The following HEATR4 variants were observed in gnomAD, a reference collection of about 807,000 sequenced individuals.
The protein encoded by HEATR4 is HEAT repeat containing 4.
In HEATR4, 95 loss-of-function variants were observed where a neutral mutation model predicts 108.8. The ratio of observed to expected loss-of-function variants is 0.87; its 90% confidence interval spans 0.74 to 1.04. HEATR4 has a LOEUF of 1.04. Ranked by LOEUF, HEATR4 falls within the 50% of genes least tolerant of loss-of-function variation. HEATR4 has a pLI of 0.00. For missense variants in HEATR4, 1,152 were observed against 1,253.8 expected, an observed-to-expected ratio of 0.92 and a Z score of 1.23; for synonymous variants, 443 against 459.4, an observed-to-expected ratio of 0.96 and a Z score of 0.46.
At chr14:73,481,777 G>A (rs967079515) in intron 17 of HEATR4, among the ~76,000 whole-genome samples, 29 of 151,780 alleles carry the variant, frequency 1.9e-4, no homozygotes, top group Non-Finnish European at 3.1e-4. Context: ...CCTGGGAGGC[G>A]GAGCTTGCAG....
chr14:73,583,856 C>T, the HEATR4 span, among the ~76,000 whole-genome samples: 29 of 151,962 alleles, frequency 1.9e-4, no homozygotes, highest in African/African-American at 6.0e-4. Flanking sequence ...AAAAATTAGC[C>T]GGGTGTGGTG....
At chr14:73,566,393 C>T in the HEATR4 span, among the ~76,000 whole-genome samples, 1 of 152,080 alleles carries the variant, frequency 6.6e-6, no homozygotes, top group South Asian at 2.1e-4. Flanking sequence ...GGGCGGCGCT[C>T]GTCAGGGAAG....
chr14:73,612,804 T>C, the HEATR4 span: 3 of 1,402,852 alleles, frequency 2.1e-6, no homozygotes, highest in Admixed American at 3.0e-5. Flanking sequence ...CTCCAGCCCA[T>C]GGGGCTGCTG....
the HEATR4 span, among the ~76,000 whole-genome samples, chr14:73,576,720 C>T: frequency 4.5e-5 from 6 of 133,764 alleles, no homozygotes; most frequent in South Asian, 2.5e-4. Context: ...CACTTGAGCC[C>T]TGGAGGCAGA....
Position 73,506,804 on chromosome 14 carries a change from G to GTTTTTTTTTT in HEATR4, c.1882-243_1882-234dup, listed in dbSNP as rs34660727. On this transcript the variant is annotated intron_variant, in intron 9 of 17. Coordinates refer to ENST00000553558, the MANE Select transcript of HEATR4 (RefSeq NM_001220484.1). ...GGACCTTCCTTTCCTGACTTTAACT[G>GTTTTTTTTTT]TTTTTTTTTTTTTTTTTTTTTCTGA... Among the ~76,000 whole-genome samples the GTTTTTTTTTT allele has an allele frequency of 5.4e-3, 435 of 80,464 alleles. 78 individuals are homozygous for GTTTTTTTTTT. Among genetic ancestry groups the GTTTTTTTTTT allele is most frequent in the East Asian group, 0.03 (52 of 1,738 alleles). The allele number at this position is 80,464 out of a possible 152,430, so 52.8% of individuals were successfully genotyped here.
chr14:73,528,403 A>AAAAAAAC (rs1555393609), intron 2 of HEATR4, among the ~76,000 whole-genome samples: 1 of 151,622 alleles, frequency 6.6e-6, no homozygotes, highest in Non-Finnish European at 1.5e-5. Flanking sequence ...AAAAAAAAAA[A>AAAAAAAC]AAAAAAAAAA....
intron 17 of HEATR4, among the ~76,000 whole-genome samples, chr14:73,487,007 C>T (rs990456361): frequency 6.6e-6 from 1 of 152,054 alleles, no homozygotes; most frequent in Non-Finnish European, 1.5e-5. Flanking sequence ...ATGGCTCACG[C>T]CTGTAATCCC....
Position 73,499,215 on chromosome 14 carries a change from G to T in HEATR4, c.2287-75C>A, listed in dbSNP as rs866904842. 5.5e-5 allele frequency: 70 copies of T among 1,283,426 alleles called. No homozygotes were observed. In the African/African-American group the frequency reaches 9.6e-4, roughly 18 times the overall value. The allele number at this position is 1,283,426 out of a possible 1,614,324, so 79.5% of individuals were successfully genotyped here. ...ACCAGAAACAGCTGGGTGCGGTGGT[G>T]CACCCCTGTAATCCCAGCATTTTGG... On this transcript the variant is annotated intron_variant, in intron 12 of 17. Transcript: ENST00000553558.
intron 1 of HEATR4, among the ~76,000 whole-genome samples, chr14:73,556,439 A>G (rs1300039117): frequency 8.9e-6 from 1 of 112,736 alleles, no homozygotes; most frequent in Non-Finnish European, 1.9e-5. Flanking sequence ...AAAAAAAAAC[A>G]AAAAAAACTT....
chr14:73,595,175 A>ACAGC, the HEATR4 span: 1 of 1,614,268 alleles, frequency 6.2e-7, no homozygotes, highest in Non-Finnish European at 8.5e-7. Context: ...CAGTGGGAAC[A>ACAGC]CAGCCATCAA....
At chr14:73,514,296 GC>G in intron 5 of HEATR4, 62 bp from the exon 6 acceptor site, 1 of 1,462,042 alleles carries the variant, frequency 6.8e-7, no homozygotes. Context: ...CCACACAGTG[GC>G]CCCAGCTTGC....
At chr14:73,612,043 T>TC in the HEATR4 span, among the ~76,000 whole-genome samples, 2 of 150,450 alleles carry the variant, frequency 1.3e-5, no homozygotes, top group East Asian at 3.9e-4. Context: ...AGTCATTAAC[T>TC]CTTTTTTTTT....
chr14:73,583,217 C>G, the HEATR4 span, among the ~76,000 whole-genome samples: 1 of 151,936 alleles, frequency 6.6e-6, no homozygotes, highest in South Asian at 2.1e-4. Context: ...TGGCATGTGC[C>G]TGTAGTCCCA....
intron 1 of HEATR4, among the ~76,000 whole-genome samples, chr14:73,551,134 A>G (rs1275665597): frequency 1.8e-5 from 2 of 111,462 alleles, no homozygotes; most frequent in Non-Finnish European, 3.9e-5. Flanking sequence ...ATTGCACTCC[A>G]GCCTGAGTGA....
intron 17 of HEATR4, among the ~76,000 whole-genome samples, 166 bp from the exon 18 acceptor site, chr14:73,479,008 G>A (rs907652337): frequency 2.0e-5 from 3 of 151,824 alleles, no homozygotes; most frequent in East Asian, 1.9e-4. Context: ...GCGCAATCTC[G>A]GCTTACTGCA....
In HEATR4 at chr14:73,492,604, C is replaced by G. The variant is rs34068039; in HGVS notation, c.2844+462G>C. On this transcript the variant is annotated intron_variant, in intron 17 of 17. Coordinates refer to ENST00000553558, the MANE Select transcript of HEATR4 (RefSeq NM_001220484.1). This position sits in a 1 kb window ranked among gnomAD's most constrained non-coding sequence, Gnocchi z 4.9. The stretch of plus-strand genomic sequence containing the variant: ...TAAGTGTTTACGGGCTTCCAATTCG[C>G]TGGGAGGCTGGAGAACCTGTAAACG... The G allele has an allele frequency of 2.8e-3, 4,512 of 1,613,872 alleles. 7 individuals are homozygous for G. Among genetic ancestry groups the G allele is most frequent in the Non-Finnish European group, 3.3e-3 (3,904 of 1,179,872 alleles).
the HEATR4 span, chr14:73,619,917 C>CACT: frequency 7.4e-7 from 1 of 1,348,568 alleles, no homozygotes; most frequent in Non-Finnish European, 9.8e-7. Context: ...TCTTTCTTTT[C>CACT]TCTTTTTTTT....
the HEATR4 span, chr14:73,593,799 G>A: frequency 1.1e-4 from 171 of 1,613,958 alleles, no homozygotes; most frequent in African/African-American, 1.5e-3. Flanking sequence ...GCTTTGCCAC[G>A]TTGGCTCTAG....
At chr14:73,499,983 A>T (rs1886338846) in intron 12 of HEATR4, among the ~76,000 whole-genome samples, 1 of 152,212 alleles carries the variant, frequency 6.6e-6, no homozygotes, top group Non-Finnish European at 1.5e-5. Flanking sequence ...TAATCCCAGC[A>T]CTTTGGGAGG....
Sources: allele counts gnomAD v4.1 joint callset (sites outside exome capture counted in the v4.1 genomes callset), GRCh38; gene constraint gnomAD v4.1.1; non-coding constraint Gnocchi (gnomAD v3.1); transcripts MANE v1.5; gene names NCBI Gene and HGNC (gene_info 2026-07-23, HGNC 2026-07-21).